The following HNRNPLL variants were observed in gnomAD, a reference collection of about 807,000 sequenced individuals.
The protein encoded by HNRNPLL is heterogeneous nuclear ribonucleoprotein L like, also known as heterogeneous nuclear ribonucleoprotein L-like.
Under a neutral mutation model 67.1 loss-of-function variants are expected in HNRNPLL, and 25 were observed. The observed-to-expected ratio is 0.37, with a 90% CI of 0.27 to 0.52. HNRNPLL has a LOEUF of 0.52. HNRNPLL is among the 20% of genes least tolerant of loss of function. The probability of loss-of-function intolerance (pLI) is 0.90; values close to 1 mark genes in which losing one functional copy is unlikely to be tolerated. For missense variants in HNRNPLL, 542 were observed against 673.9 expected, an observed-to-expected ratio of 0.80 and a Z score of 2.17; for synonymous variants, 267 against 241.7, an observed-to-expected ratio of 1.10 and a Z score of -0.97.
At chr2:38,583,439 A>G (rs1666614218) in intron 4 of HNRNPLL, among the ~76,000 whole-genome samples, 1 of 152,178 alleles carries the variant, frequency 6.6e-6, no homozygotes, top group South Asian at 2.1e-4. Context: ...TGACAAATTT[A>G]ACATAAAGAA....
intron 1 of HNRNPLL, among the ~76,000 whole-genome samples, chr2:38,592,589 C>T (rs1017033651): frequency 1.3e-5 from 2 of 152,158 alleles, no homozygotes; most frequent in African/African-American, 2.4e-5. Context: ...TGTGTATCTT[C>T]GAGTATGCCA....
intron 1 of HNRNPLL, among the ~76,000 whole-genome samples, chr2:38,595,570 C>T (rs944412023): frequency 1.3e-5 from 2 of 152,256 alleles, no homozygotes; most frequent in Admixed American, 6.5e-5. Context: ...GTGGGCCGGG[C>T]GCAGTGGCTC....
chr2:38,573,095 C>T, intron 8 of HNRNPLL, 115 bp downstream of exon 8: 1 of 691,942 alleles, frequency 1.4e-6, no homozygotes, highest in Non-Finnish European at 2.4e-6. Flanking sequence ...TTATGTGGGT[C>T]ATTACTCAAA....
At chr2:38,597,459 G>A (rs1667241248) in intron 1 of HNRNPLL, among the ~76,000 whole-genome samples, 1 of 152,096 alleles carries the variant, frequency 6.6e-6, no homozygotes. Context: ...TAGAACAAAG[G>A]ACAAAGTTTT....
At chr2:38,578,808 T>C (rs1396798985) in intron 6 of HNRNPLL, among the ~76,000 whole-genome samples, 2 of 152,056 alleles carry the variant, frequency 1.3e-5, no homozygotes, top group Non-Finnish European at 2.9e-5. Context: ...TTCTACCCCA[T>C]TTAGGGCCTT....
rs775533505 is a variant in HNRNPLL at position 38,585,888 on chromosome 2, A to AG, written c.309-8dup. 9.9e-6 allele frequency: 15 copies of AG among 1,521,544 alleles called. No homozygotes were observed. The South Asian group carries it at 1.6e-4, about 16-fold the overall frequency. 94.3% of individuals were successfully genotyped at this position (1,521,544 alleles called of 1,614,324 possible). ...TGGCATCATCATCACATAGCTGAAA[A>AG]GGGAGAAAAGGAGGAAACACACAAA... On this transcript the variant is annotated splice_region_variant and splice_polypyrimidine_tract_variant and intron_variant, in intron 2 of 12. Transcript: ENST00000449105.
In HNRNPLL at chr2:38,579,980, A is replaced by G. The variant is rs1666458629; in HGVS notation, c.802+1933T>C. ...ATTATATTTCACTATTCACATATAT[A>G]CCTTATACATTTCTAAACTTATCTG... On this transcript the variant is annotated intron_variant, in intron 6 of 12. Transcript: ENST00000449105. Among the ~76,000 whole-genome samples, 3 of 152,306 alleles carry G rather than the reference A, an allele frequency of 2.0e-5. No individual in the cohort carries two copies. The South Asian group carries it at 6.2e-4, about 32-fold the overall frequency.
At chr2:38,585,591 G>C (rs1399204631) in intron 3 of HNRNPLL, 53 bp downstream of exon 3, 12 of 1,117,558 alleles carry the variant, frequency 1.1e-5, no homozygotes, top group Non-Finnish European at 1.5e-5. Flanking sequence ...AGTCACTCTG[G>C]AGGCAAACTG....
At chr2:38,577,222 C>CA (rs1420502872) in intron 7 of HNRNPLL, among the ~76,000 whole-genome samples, 5 of 151,814 alleles carry the variant, frequency 3.3e-5, no homozygotes, top group African/African-American at 1.2e-4. Flanking sequence ...AATATAATGG[C>CA]AAAAAAGTAT....
At chr2:38,588,032 C>T (rs997942193) in intron 2 of HNRNPLL, among the ~76,000 whole-genome samples, 2 of 152,080 alleles carry the variant, frequency 1.3e-5, no homozygotes, top group Admixed American at 1.3e-4. Context: ...TTCCCCTTCA[C>T]CTTTTGCCAT....
chr2:38,581,880 TC>T (rs1573738578), intron 6 of HNRNPLL, 32 bp downstream of exon 6: 1 of 1,424,330 alleles, frequency 7.0e-7, no homozygotes, highest in Non-Finnish European at 9.9e-7. Flanking sequence ...TGTCAGCAGA[TC>T]AAGTACATTC....
chr2:38,587,273 T>C (rs1177265271), intron 2 of HNRNPLL, among the ~76,000 whole-genome samples: 1 of 152,192 alleles, frequency 6.6e-6, no homozygotes, highest in Middle Eastern at 3.2e-3. Context: ...ACTTGGAGAA[T>C]TGTCAAGATT....
At chr2:38,569,487 A>C (rs2148338890) in intron 9 of HNRNPLL, among the ~76,000 whole-genome samples, 153 bp from the exon 10 acceptor site, 1 of 152,310 alleles carries the variant, frequency 6.6e-6, no homozygotes, top group South Asian at 2.1e-4. Flanking sequence ...TTTGGGTTAT[A>C]ATCAATCACT....
rs568322900 is a variant in HNRNPLL at position 38,577,749 on chromosome 2, A to G, written c.803-217T>C. Among the ~76,000 whole-genome samples the G allele has an allele frequency of 1.1e-3, 170 of 152,256 alleles. 2 individuals carry two copies. Among genetic ancestry groups the G allele is most frequent in the Non-Finnish European group, 2.5e-4 (17 of 67,938 alleles). On this transcript the variant is annotated intron_variant, in intron 6 of 12. Coordinates refer to ENST00000449105, the MANE Select transcript of HNRNPLL (RefSeq NM_138394.4). Reference sequence around the variant, plus strand: ...CTAACAAATTCCACTTAACTTGAATATATCTTTTTGGCAAATGCCAAATAC... The same window carrying G: ...CTAACAAATTCCACTTAACTTGAATGTATCTTTTTGGCAAATGCCAAATAC...
At chr2:38,570,250 A>T (rs898040196) in intron 8 of HNRNPLL, among the ~76,000 whole-genome samples, 1 of 152,090 alleles carries the variant, frequency 6.6e-6, no homozygotes, top group Non-Finnish European at 1.5e-5. Flanking sequence ...ATCTGGCAGG[A>T]CTCGTTAATA....
At chr2:38,573,545 G>A (rs924300811) in intron 7 of HNRNPLL, 118 bp from the exon 8 acceptor site, 3 of 668,570 alleles carry the variant, frequency 4.5e-6, no homozygotes, top group Non-Finnish European at 7.6e-6. Context: ...TAGCTAGTTT[G>A]ATGTACAAAG....
intron 2 of HNRNPLL, among the ~76,000 whole-genome samples, chr2:38,590,366 G>A (rs1192912086): frequency 6.6e-6 from 1 of 152,112 alleles, no homozygotes; most frequent in Non-Finnish European, 1.5e-5. Flanking sequence ...TTATAAAATT[G>A]AAGCAGTAAG....
intron 8 of HNRNPLL, among the ~76,000 whole-genome samples, chr2:38,572,287 G>T (rs1254616328): frequency 6.6e-6 from 1 of 151,862 alleles, no homozygotes; most frequent in Non-Finnish European, 1.5e-5. Context: ...AATTCTGAAG[G>T]GTTGCTTCCT....
intron 3 of HNRNPLL, among the ~76,000 whole-genome samples, chr2:38,584,235 C>T (rs1421938161): frequency 2.6e-5 from 4 of 151,968 alleles, no homozygotes; most frequent in Admixed American, 2.6e-4. Context: ...TTAATTTTTT[C>T]GTTTTTTGTA....
Sources: allele counts gnomAD v4.1 joint callset (sites outside exome capture counted in the v4.1 genomes callset), GRCh38; gene constraint gnomAD v4.1.1; transcripts MANE v1.5; gene names NCBI Gene and HGNC (gene_info 2026-07-23, HGNC 2026-07-21).